Variants in CFAP61 observed in about 807,000 individuals in gnomAD.
The protein encoded by CFAP61 is cilia- and flagella-associated protein 61.
In CFAP61, 107 loss-of-function variants were observed where a neutral mutation model predicts 135.6. The ratio of observed to expected loss-of-function variants is 0.79; its 90% CI spans 0.67 to 0.93. CFAP61 has a LOEUF of 0.93. Ranked by LOEUF, CFAP61 falls within the 40% of genes least tolerant of loss-of-function variation. The probability of loss-of-function intolerance (pLI) is 0.00; values close to 1 mark genes in which losing one functional copy is unlikely to be tolerated. For missense variants in CFAP61, 1,507 were observed against 1,556.2 expected, an observed-to-expected ratio of 0.97 and a Z score of 0.53; for synonymous variants, 575 against 578.5, an observed-to-expected ratio of 0.99 and a Z score of 0.09.
At chr20:20,134,032 G>T (rs1344548431) in intron 8 of CFAP61, among the ~76,000 whole-genome samples, 1 of 152,150 alleles carries the variant, frequency 6.6e-6, no homozygotes, top group African/African-American at 2.4e-5. Context: ...TAGGAACATA[G>T]TCTAGTATGT....
At chr20:20,109,051 C>G (rs1464554159) in intron 8 of CFAP61, among the ~76,000 whole-genome samples, 2 of 152,114 alleles carry the variant, frequency 1.3e-5, no homozygotes, top group Non-Finnish European at 2.9e-5. Context: ...TATGACCTAG[C>G]CCATAATTTT....
intron 8 of CFAP61, among the ~76,000 whole-genome samples, chr20:20,136,837 A>T (rs769547329): frequency 4.9e-4 from 75 of 152,140 alleles, no homozygotes; most frequent in Non-Finnish European, 3.4e-4. Flanking sequence ...AGAGTTAGAT[A>T]TTTATTGTAG....
intron 26 of CFAP61, among the ~76,000 whole-genome samples, chr20:20,345,414 AT>A (rs1224225654): frequency 6.6e-6 from 1 of 152,276 alleles, no homozygotes; most frequent in East Asian, 1.9e-4. Flanking sequence ...ATTAAAATTA[AT>A]TTTTTTAAAA....
At chr20:20,342,135 TTC>T (rs1377071601) in intron 26 of CFAP61, among the ~76,000 whole-genome samples, 2 of 152,206 alleles carry the variant, frequency 1.3e-5, no homozygotes, top group Non-Finnish European at 2.9e-5. Context: ...GGGGGCAAAT[TTC>T]TTTTTCCTTT....
At chr20:20,155,856 C>T (rs1413869883) in intron 9 of CFAP61, among the ~76,000 whole-genome samples, 1 of 152,072 alleles carries the variant, frequency 6.6e-6, no homozygotes, top group Non-Finnish European at 1.5e-5. Context: ...TCGAAAACAG[C>T]ATGGAGATTC....
At chr20:20,310,608 G>C (rs2056763960) in intron 25 of CFAP61, among the ~76,000 whole-genome samples, 1 of 152,184 alleles carries the variant, frequency 6.6e-6, no homozygotes, top group Non-Finnish European at 1.5e-5. Flanking sequence ...TCAATGGGCT[G>C]GAGGAGCAGG....
At chr20:20,289,758 G>A (rs953636140) in intron 23 of CFAP61, among the ~76,000 whole-genome samples, 3 of 152,234 alleles carry the variant, frequency 2.0e-5, no homozygotes, top group Non-Finnish European at 2.9e-5. Flanking sequence ...GGTGGTGGCC[G>A]TAGGCAGGCA....
intron 22 of CFAP61, among the ~76,000 whole-genome samples, chr20:20,285,824 G>C (rs1338547271): frequency 6.6e-6 from 1 of 151,622 alleles, no homozygotes; most frequent in Non-Finnish European, 1.5e-5. Flanking sequence ...GGGGGGCTGA[G>C]GCAGAAGGAT....
intron 15 of CFAP61, among the ~76,000 whole-genome samples, chr20:20,194,931 A>G (rs1427781898): frequency 6.6e-6 from 1 of 152,210 alleles, no homozygotes; most frequent in East Asian, 1.9e-4. Context: ...AGAAAATTAG[A>G]TGCACATGGC....
chr20:20,315,719 G>T (rs2057090542), intron 25 of CFAP61, among the ~76,000 whole-genome samples: 1 of 152,142 alleles, frequency 6.6e-6, no homozygotes, highest in Non-Finnish European at 1.5e-5. Flanking sequence ...TTTGTATAAG[G>T]TGTAAGGAAG....
chr20:20,134,017 G>C (rs1203808743), intron 8 of CFAP61, among the ~76,000 whole-genome samples: 1 of 152,082 alleles, frequency 6.6e-6, no homozygotes, highest in South Asian at 2.1e-4. Flanking sequence ...CCATATACTA[G>C]ACTTTAGGAA....
At chr20:20,176,535 A>G (rs922532139) in intron 13 of CFAP61, among the ~76,000 whole-genome samples, 1 of 152,236 alleles carries the variant, frequency 6.6e-6, no homozygotes, top group African/African-American at 2.4e-5. Flanking sequence ...CATAGAAAGA[A>G]ATAAGATCAT....
intron 26 of CFAP61, among the ~76,000 whole-genome samples, chr20:20,350,002 G>C (rs2058774055): frequency 6.6e-6 from 1 of 152,202 alleles, no homozygotes; most frequent in African/African-American, 2.4e-5. Flanking sequence ...CAGTAACCAA[G>C]ACAGTGTGGT....
chr20:20,205,498 A>G (rs2056819362), intron 17 of CFAP61, among the ~76,000 whole-genome samples: 1 of 152,256 alleles, frequency 6.6e-6, no homozygotes, highest in African/African-American at 2.4e-5. Context: ...TAGGAAAACC[A>G]AACTACAGAA....
chr20:20,121,657 G>T (rs2049643243), intron 8 of CFAP61, among the ~76,000 whole-genome samples: 1 of 152,058 alleles, frequency 6.6e-6, no homozygotes, highest in African/African-American at 2.4e-5. Context: ...CCTGTGCCCA[G>T]CTAATTTTTG....
intron 25 of CFAP61, among the ~76,000 whole-genome samples, chr20:20,330,552 G>A (rs2057945559): frequency 6.6e-6 from 1 of 152,122 alleles, no homozygotes; most frequent in Non-Finnish European, 1.5e-5. Flanking sequence ...GCCCAGGCTG[G>A]TCTCGAACTC....
chr20:20,147,102 G>T (rs1408645908), intron 9 of CFAP61, among the ~76,000 whole-genome samples: 2 of 152,160 alleles, frequency 1.3e-5, no homozygotes, highest in African/African-American at 4.8e-5. Flanking sequence ...TGGTTGAATA[G>T]TATTTCATAC....
intron 3 of CFAP61, among the ~76,000 whole-genome samples, chr20:20,073,288 A>G (rs1000629865): frequency 6.6e-6 from 1 of 152,142 alleles, no homozygotes; most frequent in African/African-American, 2.4e-5. Flanking sequence ...GACTTTTGGG[A>G]TTTGTGTTGT....
chr20:20,322,180 G>C (rs887298142), intron 25 of CFAP61, among the ~76,000 whole-genome samples: 4 of 152,192 alleles, frequency 2.6e-5, no homozygotes, highest in Non-Finnish European at 1.5e-5. Flanking sequence ...GTGGCCCCCA[G>C]TCACTCATTG....
Sources: gnomAD v4.1 joint callset for allele counts (sites outside exome capture counted in the v4.1 genomes callset) on GRCh38, gnomAD v4.1.1 for gene constraint, MANE v1.5 for transcripts, NCBI Gene and HGNC (gene_info 2026-07-23, HGNC 2026-07-21) for gene names.